FAM184B: variants seen among roughly 807,000 people sequenced by gnomAD.
FAM184B encodes family with sequence similarity 184 member B, also known as protein FAM184B.
In FAM184B, 111 loss-of-function variants were observed where a neutral mutation model predicts 135.9. The ratio of observed to expected loss-of-function variants is 0.82; its 90% confidence interval spans 0.70 to 0.96. The LOEUF (loss-of-function observed/expected upper bound fraction) is 0.96, where lower values mean the gene tolerates loss of function less well. Among genes scored for constraint, FAM184B ranks in the 40% least tolerant of loss-of-function variants. The probability of loss-of-function intolerance (pLI) is 0.00; values close to 1 mark genes in which losing one functional copy is unlikely to be tolerated. For synonymous variants in FAM184B, 552 were observed against 524.8 expected (o/e 1.05, Z -0.71); for missense variants, 1,375 against 1,323.9 (o/e 1.04, Z -0.60).
At chr4:17,721,186 A>G (rs1374476530) in intron 1 of FAM184B, among the ~76,000 whole-genome samples, 2 of 151,874 alleles carry the variant, frequency 1.3e-5, no homozygotes, top group South Asian at 4.2e-4. Flanking sequence ...GATCGAGACC[A>G]TCCTGGCTAA....
At chr4:17,692,300 G>C (rs1716756405) in intron 6 of FAM184B, among the ~76,000 whole-genome samples, 1 of 152,124 alleles carries the variant, frequency 6.6e-6, no homozygotes, top group African/African-American at 2.4e-5. Context: ...GCCCCACCTT[G>C]GTCTGGGCCA....
Position 17,632,411 on chromosome 4 carries a change from G to T in FAM184B, c.*121C>A. 1 of 828,178 alleles carries T rather than the reference G, an allele frequency of 1.2e-6. No individual in the cohort carries two copies. The highest frequency in any genetic ancestry group is 1.8e-6 in the Non-Finnish European group (1 of 541,748). The allele number at this position is 828,178 out of a possible 1,614,324, so 51.3% of individuals were successfully genotyped here. ...AGTGTTAACGCCAAAATTTGTTTTA[G>T]CTATCATATATAAATCATAAGCATA... On this transcript the variant is annotated 3_prime_UTR_variant, in exon 18 of 18. Coordinates refer to ENST00000265018, the MANE Select transcript of FAM184B (RefSeq NM_015688.2).
chr4:17,686,037 A>G (rs1339305956), intron 7 of FAM184B, among the ~76,000 whole-genome samples: 1 of 152,204 alleles, frequency 6.6e-6, no homozygotes. Context: ...ATTTAATCTC[A>G]TCAAGAAGGA....
At chr4:17,761,027 T>C (rs1016800348) in intron 1 of FAM184B, among the ~76,000 whole-genome samples, 1 of 152,186 alleles carries the variant, frequency 6.6e-6, no homozygotes, top group African/African-American at 2.4e-5. Context: ...CGGAGACATT[T>C]TTAGTTGAGG....
chr4:17,634,575 C>T lies in FAM184B; in HGVS notation c.2889+434G>A, dbSNP rs146785912. Among the ~76,000 whole-genome samples the T allele has an allele frequency of 5.2e-3, 790 of 152,250 alleles. 8 individuals are homozygous for T. Among genetic ancestry groups the T allele is most frequent in the Admixed American group, 0.011 (164 of 15,280 alleles). On this transcript the variant is annotated intron_variant, in intron 16 of 17. Transcript: ENST00000265018. The stretch of plus-strand genomic sequence containing the variant: ...CTGACCTCAAGTGATCCACCCACCT[C>T]GGCCTCCCAAAGTGCTGGGATTACA...
At chr4:17,646,727 A>T (rs938218470) in intron 12 of FAM184B, among the ~76,000 whole-genome samples, 3 of 152,160 alleles carry the variant, frequency 2.0e-5, no homozygotes, top group Non-Finnish European at 4.4e-5. Context: ...CTTAAAATAT[A>T]ATAATAATAA....
chr4:17,707,524 A>G, intron 3 of FAM184B, 125 bp downstream of exon 3: 3 of 1,233,894 alleles, frequency 2.4e-6, no homozygotes, highest in Non-Finnish European at 3.4e-6. Flanking sequence ...CCCACCAGGC[A>G]GGTCAGATCA....
At chr4:17,636,674 C>G in intron 14 of FAM184B, 29 bp from the exon 15 acceptor site, 6 of 1,489,448 alleles carry the variant, frequency 4.0e-6, no homozygotes, top group Non-Finnish European at 5.4e-6. Context: ...CAGTCAAGTC[C>G]CCCTTACAGC....
chr4:17,765,886 T>C (rs957457762), intron 1 of FAM184B, among the ~76,000 whole-genome samples: 1 of 152,184 alleles, frequency 6.6e-6, no homozygotes, highest in Non-Finnish European at 1.5e-5. Context: ...GTTTCAGAAG[T>C]GAAGCTGCAG....
chr4:17,662,422 C>G (rs1715939496), intron 8 of FAM184B, among the ~76,000 whole-genome samples: 1 of 152,022 alleles, frequency 6.6e-6, no homozygotes, highest in African/African-American at 2.4e-5. Context: ...GCTGCAACCT[C>G]TGCCTCCCAG....
chr4:17,715,499 A>C (rs954477970), intron 1 of FAM184B, among the ~76,000 whole-genome samples: 2 of 151,754 alleles, frequency 1.3e-5, no homozygotes, highest in Non-Finnish European at 2.9e-5. Flanking sequence ...AAAAACAAAC[A>C]AAAAAAATGA....
In FAM184B at chr4:17,709,095, C is replaced by A; in HGVS notation, c.691G>T (p.Ala231Ser). Residue 231 changes from alanine (A) to serine (S), a missense_variant, in exon 2 of 18, where the codon GCC (alanine) becomes TCC (serine). Transcript: ENST00000265018. Reference sequence around the variant, plus strand: ...GACTGCTGCATGGCCTGCCGGATGGCCTCGTTTTCCCTCTCGTAGGTGGCC... The same window carrying A: ...GACTGCTGCATGGCCTGCCGGATGGACTCGTTTTCCCTCTCGTAGGTGGCC... ...LQATYERENE[A>S]IRQAMQQSVS... 6.5e-7 allele frequency: 1 copy of A among 1,549,546 alleles called. No individual in the cohort carries two copies. Among genetic ancestry groups the A allele is most frequent in the Non-Finnish European group, 8.7e-7 (1 of 1,146,960 alleles).
intron 10 of FAM184B, among the ~76,000 whole-genome samples, chr4:17,655,449 T>C (rs1292716507): frequency 6.6e-5 from 10 of 152,186 alleles, no homozygotes; most frequent in African/African-American, 9.7e-5. Context: ...TCAGGGCAAA[T>C]TGGAGACTCA....
chr4:17,729,557 A>G (rs1028408358), intron 1 of FAM184B, among the ~76,000 whole-genome samples: 1 of 152,222 alleles, frequency 6.6e-6, no homozygotes, highest in African/African-American at 2.4e-5. Context: ...AAACTTCTAG[A>G]GGAACGATCA....
intron 11 of FAM184B, among the ~76,000 whole-genome samples, chr4:17,652,112 C>G (rs896412498): frequency 2.7e-5 from 4 of 148,856 alleles, no homozygotes; most frequent in Admixed American, 6.8e-5. Context: ...ATATGCTAGA[C>G]ACTTTATATT....
chr4:17,634,633 A>T (rs1331409594), intron 16 of FAM184B, among the ~76,000 whole-genome samples: 1 of 152,172 alleles, frequency 6.6e-6, no homozygotes, highest in Admixed American at 6.5e-5. Context: ...CAAAAATACT[A>T]TTTTTTAAGA....
intron 1 of FAM184B, among the ~76,000 whole-genome samples, chr4:17,733,932 A>G (rs1057056967): frequency 2.0e-5 from 3 of 152,180 alleles, no homozygotes; most frequent in African/African-American, 4.8e-5. Flanking sequence ...ACCAAACTAT[A>G]CTACAAGGCT....
chr4:17,638,447 A>G (rs1357722481), intron 14 of FAM184B, among the ~76,000 whole-genome samples: 1 of 151,562 alleles, frequency 6.6e-6, no homozygotes, highest in Non-Finnish European at 1.5e-5. Context: ...CCCTGGGCTC[A>G]AGCCTCAGCC....
chr4:17,641,998 G>GGGTGGCGGGGTAGGGGGTGA, intron 13 of FAM184B, 58 bp downstream of exon 13: 1 of 1,475,232 alleles, frequency 6.8e-7, no homozygotes, highest in Non-Finnish European at 8.9e-7. Flanking sequence ...AGGGGGAGGG[G>GGGTGGCGGGGTAGGGGGTGA]GGGTGGCGGG....
Sources: gnomAD v4.1 joint callset for allele counts (sites outside exome capture counted in the v4.1 genomes callset) on GRCh38, gnomAD v4.1.1 for gene constraint, MANE v1.5 for transcripts, NCBI Gene and HGNC (gene_info 2026-07-23, HGNC 2026-07-21) for gene names.